HS3ST5: variants seen among roughly 807,000 people sequenced by gnomAD.
HS3ST5 encodes the protein heparan sulfate glucosamine 3-O-sulfotransferase 5.
HS3ST5 carries 10 observed loss-of-function variants against 25.4 expected under a neutral mutation model. The observed-to-expected ratio is 0.39, with a 90% CI of 0.24 to 0.67. The LOEUF (loss-of-function observed/expected upper bound fraction) is 0.67. Ranked by LOEUF, HS3ST5 falls within the 30% of genes least tolerant of loss-of-function variation. The pLI is 0.44. For synonymous variants in HS3ST5, 170 were observed against 162.4 expected (o/e 1.05, Z -0.36); for missense variants, 324 against 420.7 (o/e 0.77, Z 2.01).
chr6:114,173,171 T>C (rs1457524335), intron 2 of HS3ST5, among the ~76,000 whole-genome samples: 2 of 152,194 alleles, frequency 1.3e-5, no homozygotes, highest in African/African-American at 2.4e-5. Context: ...ACATTTTACA[T>C]TCAAAAAGGG....
At chr6:114,141,894 G>C (rs1777922565) in intron 3 of HS3ST5, among the ~76,000 whole-genome samples, 3 of 149,046 alleles carry the variant, frequency 2.0e-5, no homozygotes, top group African/African-American at 7.7e-5. Context: ...GTGTGTGTGT[G>C]TGTGTGTGTG....
chr6:114,081,431 AAG>A (rs1163120241), intron 3 of HS3ST5, among the ~76,000 whole-genome samples: 16 of 152,338 alleles, frequency 1.1e-4, no homozygotes, highest in Admixed American at 7.2e-4. Context: ...CAAATTTTAA[AAG>A]AGAGCTGAAG....
At chr6:114,160,335 T>A (rs76997433) in intron 3 of HS3ST5, among the ~76,000 whole-genome samples, 9,477 of 147,140 alleles carry the variant, frequency 0.064, 331 homozygotes, top group Non-Finnish European at 0.075. Context: ...TAAAAAAAAA[T>A]CTCTATCAAA....
chr6:114,167,642 G>C (rs1457347737), intron 3 of HS3ST5: 2 of 152,164 alleles, frequency 1.3e-5, no homozygotes, highest in Admixed American at 6.5e-5. Flanking sequence ...CTCCATCACA[G>C]CAGCTGGTGA....
intron 2 of HS3ST5, among the ~76,000 whole-genome samples, chr6:114,177,955 T>A (rs375891712): frequency 6.8e-4 from 103 of 152,316 alleles, no homozygotes; most frequent in African/African-American, 2.3e-3. Flanking sequence ...TGTTTAAACA[T>A]GAAAATTTTT....
At chr6:114,279,879 A>G (rs1355513935) in intron 1 of HS3ST5, among the ~76,000 whole-genome samples, 2 of 152,018 alleles carry the variant, frequency 1.3e-5, no homozygotes, top group Admixed American at 1.3e-4. Context: ...GACAAGTGGT[A>G]GAAACATCAT....
Position 114,273,236 on chromosome 6 carries a change from A to T in HS3ST5, c.-338-44458T>A, listed in dbSNP as rs997355518. 2.0e-5 allele frequency among the ~76,000 whole-genome samples: 3 copies of T among 152,078 alleles called. No individual in the cohort carries two copies. The South Asian group carries it at 6.2e-4, about 32-fold the overall frequency. The stretch of plus-strand genomic sequence containing the variant: ...CAACAAGGTAATCCTGATGAATTAG[A>T]TGTAAAGTATGAGAGAAAAACCCTT... On this transcript the variant is annotated intron_variant, in intron 1 of 4. Transcript: ENST00000312719.
intron 3 of HS3ST5, among the ~76,000 whole-genome samples, chr6:114,134,145 G>C (rs1439989044): frequency 6.6e-6 from 1 of 152,156 alleles, no homozygotes; most frequent in Non-Finnish European, 1.5e-5. Context: ...GTAAGGACTT[G>C]CATAAGCCAG....
At chr6:114,170,536 A>C (rs1779431735) in intron 2 of HS3ST5, among the ~76,000 whole-genome samples, 1 of 152,222 alleles carries the variant, frequency 6.6e-6, no homozygotes, top group Non-Finnish European at 1.5e-5. Flanking sequence ...CAGTACTGTC[A>C]GTTGGAAATG....
intron 1 of HS3ST5, among the ~76,000 whole-genome samples, chr6:114,249,619 C>T (rs1002006217): frequency 6.6e-6 from 1 of 152,114 alleles, no homozygotes; most frequent in African/African-American, 2.4e-5. Flanking sequence ...GGGTACGACC[C>T]CTCCCCAGGG....
intron 3 of HS3ST5, among the ~76,000 whole-genome samples, chr6:114,120,869 A>G (rs2114875613): frequency 6.6e-6 from 1 of 152,314 alleles, no homozygotes; most frequent in South Asian, 2.1e-4. Flanking sequence ...GAATTCCACG[A>G]ATTAAAAAGG....
intron 1 of HS3ST5, among the ~76,000 whole-genome samples, chr6:114,258,857 G>C (rs1265654419): frequency 6.6e-6 from 1 of 152,060 alleles, no homozygotes; most frequent in Non-Finnish European, 1.5e-5. Flanking sequence ...GCTAGCTCCA[G>C]GTTATTTGAA....
chr6:114,202,197 G>T (rs1781052586), intron 2 of HS3ST5, among the ~76,000 whole-genome samples: 1 of 152,106 alleles, frequency 6.6e-6, no homozygotes, highest in Non-Finnish European at 1.5e-5. Flanking sequence ...GAGGAGCAGG[G>T]TTGCTTGAGA....
At chr6:114,089,464 G>T (rs1775011888) in intron 3 of HS3ST5, among the ~76,000 whole-genome samples, 1 of 152,018 alleles carries the variant, frequency 6.6e-6, no homozygotes, top group Non-Finnish European at 1.5e-5. Context: ...TCGTGTCCTG[G>T]TCCCTTTCAT....
At chr6:114,296,509 T>A (rs1338401429) in intron 1 of HS3ST5, among the ~76,000 whole-genome samples, 1 of 152,148 alleles carries the variant, frequency 6.6e-6, no homozygotes, top group Non-Finnish European at 1.5e-5. Flanking sequence ...GAAAGGAAAA[T>A]AAATAATTTC....
intron 1 of HS3ST5, among the ~76,000 whole-genome samples, chr6:114,296,367 C>T (rs1273643253): frequency 2.0e-5 from 3 of 152,034 alleles, no homozygotes; most frequent in Non-Finnish European, 4.4e-5. Context: ...TGGGGTATAA[C>T]TAATTAAATA....
intron 1 of HS3ST5, among the ~76,000 whole-genome samples, chr6:114,332,776 C>G (rs1310902128): frequency 1.3e-5 from 2 of 151,842 alleles, no homozygotes; most frequent in East Asian, 3.9e-4. Context: ...AGAAAAGGGG[C>G]AAGAAAACAA....
intron 1 of HS3ST5, among the ~76,000 whole-genome samples, chr6:114,315,769 A>G (rs532982187): frequency 6.6e-6 from 1 of 152,324 alleles, no homozygotes; most frequent in South Asian, 2.1e-4. Flanking sequence ...TAGATACCAT[A>G]TGTACACTAA....
intron 3 of HS3ST5, among the ~76,000 whole-genome samples, chr6:114,128,452 C>T (rs1777157862): frequency 6.6e-6 from 1 of 152,090 alleles, no homozygotes; most frequent in African/African-American, 2.4e-5. Flanking sequence ...ATGTCAGGCA[C>T]TTTTCCAAGG....
Sources: allele counts gnomAD v4.1 joint callset (sites outside exome capture counted in the v4.1 genomes callset), GRCh38; gene constraint gnomAD v4.1.1; transcripts MANE v1.5; gene names NCBI Gene and HGNC (gene_info 2026-07-23, HGNC 2026-07-21).